MAST2: variants seen among roughly 807,000 people sequenced by gnomAD.
MAST2 encodes microtubule-associated serine/threonine-protein kinase 2.
A neutral mutation model predicts 147.4 loss-of-function variants in MAST2; 70 were observed. The observed-to-expected ratio is 0.47, with a 90% CI of 0.39 to 0.58. The LOEUF is 0.58. MAST2 is among the 20% of genes least tolerant of loss of function. The pLI is 0.00. For synonymous variants in MAST2, 869 were observed against 896.8 expected (o/e 0.97, Z 0.55); for missense variants, 2,080 against 2,302.3 (o/e 0.90, Z 1.98).
intron 4 of MAST2, among the ~76,000 whole-genome samples, chr1:45,935,612 C>G (rs1371435905): frequency 6.6e-6 from 1 of 152,176 alleles, no homozygotes; most frequent in Non-Finnish European, 1.5e-5. Context: ...CTGCATACGG[C>G]TAGCCAGTTA....
Position 46,033,912 on chromosome 1 carries a change from G to A in MAST2, c.3648G>A (p.Arg1216=), listed in dbSNP as rs1344675764. Reference sequence around the variant, plus strand: ...CCAAGATGGCCCGAAGGAGCAAGAGGAGCCGCGGCAAGGATGGGCAAGAAA... The same window carrying A: ...CCAAGATGGCCCGAAGGAGCAAGAGAAGCCGCGGCAAGGATGGGCAAGAAA... The part of the protein sequence containing the change: ...YKAKMARRSK[R]SRGKDGQESR... The change falls in exon 27 of 29, where the codon AGG becomes AGA. Residue 1216 remains arginine, a synonymous_variant. Coordinates refer to ENST00000361297, the MANE Select transcript of MAST2 (RefSeq NM_015112.3). 3 of 1,614,042 alleles carry A rather than the reference G, an allele frequency of 1.9e-6. No homozygotes were observed. Among genetic ancestry groups the A allele is most frequent in the African/African-American group, 2.7e-5 (2 of 74,946 alleles).
At chr1:45,973,856 T>C (rs1644026543) in intron 5 of MAST2, among the ~76,000 whole-genome samples, 1 of 152,210 alleles carries the variant, frequency 6.6e-6, no homozygotes. Flanking sequence ...AGCAATGTAA[T>C]GTCAGTGTTG....
chr1:45,896,730 C>T (rs1648805187), intron 4 of MAST2, among the ~76,000 whole-genome samples: 1 of 152,174 alleles, frequency 6.6e-6, no homozygotes, highest in Non-Finnish European at 1.5e-5. Context: ...AAGCCAGAAA[C>T]CGTAGATTAA....
At chr1:45,837,208 C>T (rs999550679) in intron 3 of MAST2, among the ~76,000 whole-genome samples, 2 of 152,156 alleles carry the variant, frequency 1.3e-5, no homozygotes, top group African/African-American at 4.8e-5. Flanking sequence ...TGGTCCCTAA[C>T]AGGCCATGGA....
chr1:45,962,470 G>T (rs185265004), intron 5 of MAST2, among the ~76,000 whole-genome samples: 1 of 152,102 alleles, frequency 6.6e-6, no homozygotes, highest in African/African-American at 2.4e-5. Context: ...ATTCTAACTG[G>T]TGCAAGATGA....
At chr1:45,980,275 C>A (rs1448739205) in intron 5 of MAST2, among the ~76,000 whole-genome samples, 70 of 84,050 alleles carry the variant, frequency 8.3e-4, no homozygotes, top group South Asian at 1.7e-3. Context: ...ACTGTGTTTC[C>A]AAAAAAAAAA....
chr1:46,033,785 C>T lies in MAST2; in HGVS notation c.3538-17C>T. On this transcript the variant is annotated splice_polypyrimidine_tract_variant and intron_variant, in intron 26 of 28. Transcript: ENST00000361297. ...TATGGCTCCAGCTTAGCCTAGGCCT[C>T]ATGCTCTGCTCCCCAGAGTGGAAAC... The T allele has an allele frequency of 1.2e-6, 2 of 1,613,538 alleles. No individual in the cohort carries two copies. The highest frequency in any genetic ancestry group is 1.7e-6 in the Non-Finnish European group (2 of 1,179,552).
At chr1:45,875,303 G>A (rs747173293) in intron 3 of MAST2, among the ~76,000 whole-genome samples, 3 of 152,046 alleles carry the variant, frequency 2.0e-5, no homozygotes, top group Non-Finnish European at 4.4e-5. Flanking sequence ...AAAATTAGCC[G>A]GACGTGGTGG....
chr1:45,816,886 C>A (rs907121951), intron 1 of MAST2, among the ~76,000 whole-genome samples: 1 of 152,030 alleles, frequency 6.6e-6, no homozygotes, highest in Non-Finnish European at 1.5e-5. Context: ...ACCGTGTCAA[C>A]CAGGATGGTC....
intron 5 of MAST2, among the ~76,000 whole-genome samples, chr1:45,990,635 G>A (rs1571101431): frequency 6.6e-6 from 1 of 152,018 alleles, no homozygotes; most frequent in Admixed American, 6.6e-5. Context: ...GGTGCGTTAG[G>A]CTGCCACACA....
chr1:45,962,686 A>T (rs1660604139), intron 5 of MAST2, among the ~76,000 whole-genome samples: 2 of 152,088 alleles, frequency 1.3e-5, no homozygotes, highest in South Asian at 4.1e-4. Context: ...TTGTCAGATG[A>T]GTAGATTGCA....
chr1:45,997,681 A>G (rs1266927853), intron 5 of MAST2, 43 bp from the exon 6 acceptor site: 5 of 1,518,534 alleles, frequency 3.3e-6, no homozygotes, highest in Admixed American at 3.3e-5. Context: ...CACCCTCCTC[A>G]CAAGCAAACC....
intron 4 of MAST2, among the ~76,000 whole-genome samples, chr1:45,905,792 C>T (rs1650615469): frequency 6.6e-6 from 1 of 151,848 alleles, no homozygotes; most frequent in Non-Finnish European, 1.5e-5. Flanking sequence ...AAAAAAATGC[C>T]AAACTTAGAT....
chr1:45,905,299 C>T (rs1207446817), intron 4 of MAST2, among the ~76,000 whole-genome samples: 10 of 151,866 alleles, frequency 6.6e-5, no homozygotes, highest in Non-Finnish European at 7.4e-5. Flanking sequence ...ATTCCTCTGC[C>T]TCAGTATCCC....
chr1:45,917,388 C>T, intron 4 of MAST2: 1 of 1,366,548 alleles, frequency 7.3e-7, no homozygotes, highest in East Asian at 4.5e-5. Flanking sequence ...CATGTTTTCA[C>T]CCACATCTGC....
chr1:46,035,977 C>G lies in MAST2; in HGVS notation c.5308C>G (p.Pro1770Ala), dbSNP rs900015399. 5.0e-6 allele frequency: 8 copies of G among 1,613,914 alleles called. No individual in the cohort carries two copies. The Admixed American group carries it at 1.0e-4, about 20-fold the overall frequency. The change falls in exon 29 of 29, where the codon CCC becomes GCC. Residue 1770 changes from proline to alanine, a missense_variant. Coordinates refer to ENST00000361297, the MANE Select transcript of MAST2 (RefSeq NM_015112.3). The surrounding 1 kb of genome is among the most constrained non-coding windows in gnomAD (Gnocchi z 5.5). Reference protein sequence around the residue: ...RGCPLTQKSEPSLRRGQEPGG... With the variant: ...RGCPLTQKSEASLRRGQEPGG... ...CTGCCCCCTCACCCAGAAGTCTGAG[C>G]CCAGCCTCAGGAGGGGCCAAGAACC...
At chr1:45,947,331 A>G (rs909054458) in intron 4 of MAST2, among the ~76,000 whole-genome samples, 2 of 132,102 alleles carry the variant, frequency 1.5e-5, no homozygotes, top group Non-Finnish European at 3.3e-5. Flanking sequence ...AAAAAAAAAA[A>G]CCCAAACACC....
chr1:45,999,289 TC>T (rs1021113005), intron 6 of MAST2, among the ~76,000 whole-genome samples: 203 of 152,322 alleles, frequency 1.3e-3, no homozygotes, highest in African/African-American at 4.7e-3. Context: ...CTATGGAACT[TC>T]CAATTTGTTA....
intron 10 of MAST2, among the ~76,000 whole-genome samples, chr1:46,012,181 C>G (rs545959539): frequency 3.3e-5 from 5 of 152,166 alleles, no homozygotes; most frequent in African/African-American, 1.2e-4. Context: ...AAAGGGGTAC[C>G]CCAGAGACAT....
Sources: gnomAD v4.1 joint callset for allele counts (sites outside exome capture counted in the v4.1 genomes callset) on GRCh38, gnomAD v4.1.1 for gene constraint, Gnocchi (gnomAD v3.1) non-coding constraint, MANE v1.5 for transcripts, NCBI Gene and HGNC (gene_info 2026-07-23, HGNC 2026-07-21) for gene names.